Variants in ATXN1 observed in about 807,000 individuals in gnomAD.
ATXN1 encodes ataxin-1.
In ATXN1, 8 loss-of-function variants were observed where a neutral mutation model predicts 56.4. The observed-to-expected ratio is 0.14, with a 90% CI of 0.08 to 0.26. The LOEUF (loss-of-function observed/expected upper bound fraction) is 0.26. Ranked by LOEUF, ATXN1 falls within the 10% of genes least tolerant of loss-of-function variation. The pLI is 1.00. For missense variants in ATXN1, 987 were observed against 1,106.5 expected (o/e 0.89, Z 1.53); for synonymous variants, 514 against 494.6 (o/e 1.04, Z -0.52).
At chr6:16,560,924 C>T (rs1762104315) in intron 4 of ATXN1, among the ~76,000 whole-genome samples, 1 of 152,008 alleles carries the variant, frequency 6.6e-6, no homozygotes, top group Non-Finnish European at 1.5e-5. Flanking sequence ...CTTGCCTCTT[C>T]AAAATGAAAA....
chr6:16,732,028 T>C (rs1759999968), intron 2 of ATXN1, among the ~76,000 whole-genome samples: 6 of 152,212 alleles, frequency 3.9e-5, no homozygotes, highest in Admixed American at 3.9e-4. Context: ...ATGCTACATT[T>C]GCCAAGACTT....
At chr6:16,600,957 T>A (rs1762901333) in intron 3 of ATXN1, among the ~76,000 whole-genome samples, 1 of 152,226 alleles carries the variant, frequency 6.6e-6, no homozygotes, top group South Asian at 2.1e-4. Flanking sequence ...GCTGCAGTTG[T>A]CTTCCTGTGT....
Position 16,340,645 on chromosome 6 carries a change from G to A in ATXN1, c.-160-12175C>T, listed in dbSNP as rs541863192. 2.0e-5 allele frequency among the ~76,000 whole-genome samples: 3 copies of A among 152,360 alleles called. No individual in the cohort carries two copies. In the East Asian group the frequency reaches 5.8e-4, roughly 29 times the overall value. ...ACCCCCTGAACTTGCAATTCGTGGT[G>A]CAGGCACTGCTCTCTCTAACGTTGT... On this transcript the variant is annotated intron_variant, in intron 6 of 7. Transcript: ENST00000436367.
At chr6:16,718,821 C>T (rs1759690681) in intron 2 of ATXN1, among the ~76,000 whole-genome samples, 1 of 152,210 alleles carries the variant, frequency 6.6e-6, no homozygotes, top group Non-Finnish European at 1.5e-5. Flanking sequence ...CAGATGTGTG[C>T]ACACAATGTA....
At chr6:16,435,370 A>G (rs539493737) in intron 6 of ATXN1, among the ~76,000 whole-genome samples, 1 of 152,188 alleles carries the variant, frequency 6.6e-6, no homozygotes, top group Admixed American at 6.5e-5. Flanking sequence ...TAAGTGGAGA[A>G]GCAAAGTGGT....
rs559288327 is a variant in ATXN1, at chr6:16,760,341, C to T, written c.-730+957G>A. ...CGGCTCAGGGCAGCGCCTGCCGCGGCTCCTCGTCTCCTGCCGCGGGTGCTG... is the reference window on the plus strand; with the variant it reads ...CGGCTCAGGGCAGCGCCTGCCGCGGTTCCTCGTCTCCTGCCGCGGGTGCTG... On this transcript the variant is annotated intron_variant, in intron 1 of 7. Transcript: ENST00000436367. This position sits in a 1 kb window ranked among gnomAD's most constrained non-coding sequence, Gnocchi z 5.3. Among the ~76,000 whole-genome samples the T allele has an allele frequency of 8.6e-3, 1,307 of 152,028 alleles. 25 individuals are homozygous for T. Among genetic ancestry groups the T allele is most frequent in the African/African-American group, 0.029 (1,224 of 41,528 alleles).
chr6:16,313,484 A>G (rs1040342216), intron 7 of ATXN1, among the ~76,000 whole-genome samples: 2 of 152,212 alleles, frequency 1.3e-5, no homozygotes, highest in Non-Finnish European at 2.9e-5. Flanking sequence ...AGCCTGCCGA[A>G]AAATTCACGA....
chr6:16,338,884 T>C (rs1276638883), intron 6 of ATXN1, among the ~76,000 whole-genome samples: 1 of 152,168 alleles, frequency 6.6e-6, no homozygotes, highest in Non-Finnish European at 1.5e-5. Context: ...TATTTATAAG[T>C]GCCCAATGTG....
intron 2 of ATXN1, among the ~76,000 whole-genome samples, chr6:16,743,680 C>T (rs536507815): frequency 2.0e-5 from 3 of 152,246 alleles, no homozygotes; most frequent in South Asian, 4.1e-4. Flanking sequence ...GAAAAGGTAG[C>T]AAATAACATA....
At chr6:16,613,292 A>T (rs1187564352) in intron 3 of ATXN1, among the ~76,000 whole-genome samples, 2 of 150,982 alleles carry the variant, frequency 1.3e-5, no homozygotes, top group East Asian at 3.9e-4. Flanking sequence ...AAAAAAAAAA[A>T]AAATTATTTT....
intron 3 of ATXN1, among the ~76,000 whole-genome samples, chr6:16,654,739 T>G (rs913399796): frequency 6.6e-6 from 1 of 151,628 alleles, no homozygotes; most frequent in African/African-American, 2.4e-5. Context: ...ACAGCATAAA[T>G]GGAGAGGAAG....
intron 4 of ATXN1, among the ~76,000 whole-genome samples, chr6:16,569,528 GAAAAAAAAA>G (rs60416047): frequency 1.0e-5 from 1 of 96,404 alleles, no homozygotes; most frequent in African/African-American, 4.2e-5. Context: ...CTCCGTCTCA[GAAAAAAAAA>G]AAAAAAAAAC....
At chr6:16,331,375 G>A (rs897192905) in intron 6 of ATXN1, among the ~76,000 whole-genome samples, 1 of 152,124 alleles carries the variant, frequency 6.6e-6, no homozygotes, top group Non-Finnish European at 1.5e-5. Flanking sequence ...TTCTAATAAT[G>A]AACTTTTATC....
intron 2 of ATXN1, among the ~76,000 whole-genome samples, chr6:16,676,475 A>C (rs1312691045): frequency 6.6e-6 from 1 of 152,180 alleles, no homozygotes; most frequent in Non-Finnish European, 1.5e-5. Flanking sequence ...AATGTTAGGG[A>C]CATTGAAACA....
chr6:16,622,866 T>C (rs1763342904), intron 3 of ATXN1, among the ~76,000 whole-genome samples: 1 of 150,094 alleles, frequency 6.7e-6, no homozygotes, highest in Non-Finnish European at 1.5e-5. Flanking sequence ...CTTCTAGCCT[T>C]TTTTTTTTAA....
At chr6:16,674,481 C>G (rs1182372232) in intron 2 of ATXN1, among the ~76,000 whole-genome samples, 1 of 150,768 alleles carries the variant, frequency 6.6e-6, no homozygotes, top group Non-Finnish European at 1.5e-5. Context: ...TCCCAAGTAG[C>G]TGGGATTACA....
At chr6:16,427,758 C>G (rs1450936746) in intron 6 of ATXN1, among the ~76,000 whole-genome samples, 2 of 152,188 alleles carry the variant, frequency 1.3e-5, no homozygotes, top group Non-Finnish European at 2.9e-5. Flanking sequence ...AACAACAGTG[C>G]ACACAGGCAC....
intron 2 of ATXN1, among the ~76,000 whole-genome samples, chr6:16,690,476 T>G: frequency 6.6e-6 from 1 of 152,102 alleles, no homozygotes; most frequent in East Asian, 1.9e-4. Context: ...TTCCTCATTC[T>G]TCAAAGGTAA....
chr6:16,596,837 C>A (rs1014457797), intron 3 of ATXN1, among the ~76,000 whole-genome samples: 7 of 152,190 alleles, frequency 4.6e-5, no homozygotes, highest in African/African-American at 1.7e-4. Flanking sequence ...CACCGACAGG[C>A]ACAGAGCACA....
Sources: gnomAD v4.1 joint callset for allele counts (sites outside exome capture counted in the v4.1 genomes callset) on GRCh38, gnomAD v4.1.1 for gene constraint, Gnocchi (gnomAD v3.1) non-coding constraint, MANE v1.5 for transcripts, NCBI Gene and HGNC (gene_info 2026-07-23, HGNC 2026-07-21) for gene names.